Variants in SNTG1 observed in about 807,000 individuals in gnomAD.
SNTG1 encodes the protein gamma-1-syntrophin.
Under a neutral mutation model 74.7 loss-of-function variants are expected in SNTG1, and 39 were observed. The ratio of observed to expected loss-of-function variants is 0.52; its 90% CI spans 0.40 to 0.68. SNTG1 has a LOEUF of 0.68. SNTG1 is among the 30% of genes least tolerant of loss of function. The pLI, the probability that SNTG1 is intolerant of heterozygous loss-of-function variation, is 0.00. For synonymous variants in SNTG1, 254 were observed against 217.1 expected (o/e 1.17, Z -1.49); for missense variants, 685 against 609.5 (o/e 1.12, Z -1.30).
At chr8:50,792,223 C>T (rs964822332) in intron 18 of SNTG1, among the ~76,000 whole-genome samples, 1 of 151,656 alleles carries the variant, frequency 6.6e-6, no homozygotes, top group Non-Finnish European at 1.5e-5. Flanking sequence ...TCTAGCATTT[C>T]TTATTCAGTT....
At chr8:49,971,254 C>CA (rs1309157551) in intron 1 of SNTG1, among the ~76,000 whole-genome samples, 3 of 152,018 alleles carry the variant, frequency 2.0e-5, no homozygotes, top group Admixed American at 6.6e-5. Flanking sequence ...TAAACAGAAC[C>CA]AAGACAAAAA....
At chr8:50,264,582 A>G (rs2130160567) in intron 2 of SNTG1, among the ~76,000 whole-genome samples, 1 of 151,906 alleles carries the variant, frequency 6.6e-6, no homozygotes, top group South Asian at 2.1e-4. Flanking sequence ...AATAAAAAAA[A>G]AAAGAAGAAA....
chr8:50,339,369 AAAT>A (rs1177523232), intron 2 of SNTG1, among the ~76,000 whole-genome samples: 1 of 152,026 alleles, frequency 6.6e-6, no homozygotes, highest in Non-Finnish European at 1.5e-5. Context: ...GAGAATTAAA[AAAT>A]AAATAAAAAC....
chr8:49,960,646 C>T (rs887972464), intron 1 of SNTG1, among the ~76,000 whole-genome samples: 2 of 151,936 alleles, frequency 1.3e-5, no homozygotes, highest in African/African-American at 4.8e-5. Context: ...TATGCAGAGA[C>T]ATATAATGGG....
At chr8:50,080,807 A>C (rs1014254167) in intron 1 of SNTG1, among the ~76,000 whole-genome samples, 12 of 152,156 alleles carry the variant, frequency 7.9e-5, no homozygotes, top group Non-Finnish European at 1.6e-4. Context: ...ACCTGCAATC[A>C]GTTAGCAGCC....
intron 2 of SNTG1, among the ~76,000 whole-genome samples, chr8:50,283,343 C>T (rs1471037513): frequency 6.6e-6 from 1 of 152,060 alleles, no homozygotes; most frequent in East Asian, 1.9e-4. Context: ...CAAGAATTTC[C>T]TTAAAGACAA....
At chr8:50,320,924 G>A (rs1478511535) in intron 2 of SNTG1, among the ~76,000 whole-genome samples, 1 of 152,012 alleles carries the variant, frequency 6.6e-6, no homozygotes, top group Non-Finnish European at 1.5e-5. Flanking sequence ...CCTGTTTTGT[G>A]GCTTAATATG....
At chr8:50,298,053 A>G (rs2089473727) in intron 2 of SNTG1, among the ~76,000 whole-genome samples, 1 of 151,916 alleles carries the variant, frequency 6.6e-6, no homozygotes, top group South Asian at 2.1e-4. Flanking sequence ...AATCCATATT[A>G]AGGGCCGAAT....
At chr8:50,626,377 C>G (rs1054683549) in intron 13 of SNTG1, among the ~76,000 whole-genome samples, 2 of 152,254 alleles carry the variant, frequency 1.3e-5, no homozygotes, top group Non-Finnish European at 2.9e-5. Flanking sequence ...CCAAGACCAG[C>G]TCGGTTGAGG....
chr8:50,076,026 T>C (rs1342537502), intron 1 of SNTG1, among the ~76,000 whole-genome samples: 1 of 152,112 alleles, frequency 6.6e-6, no homozygotes, highest in Non-Finnish European at 1.5e-5. Context: ...ACATAACAGA[T>C]CATACAAGGT....
chr8:49,925,736 C>T (rs780192775), intron 1 of SNTG1, among the ~76,000 whole-genome samples: 12 of 152,078 alleles, frequency 7.9e-5, no homozygotes. Flanking sequence ...AGTAAACTAT[C>T]CAAGTTGTTG....
At chr8:49,933,958 T>C (rs1417545119) in intron 1 of SNTG1, among the ~76,000 whole-genome samples, 1 of 152,198 alleles carries the variant, frequency 6.6e-6, no homozygotes, top group Non-Finnish European at 1.5e-5. Flanking sequence ...TGTGAAAAGA[T>C]AAGTAAACCT....
intron 2 of SNTG1, among the ~76,000 whole-genome samples, chr8:50,210,190 A>G (rs2084449053): frequency 6.6e-6 from 1 of 152,166 alleles, no homozygotes; most frequent in South Asian, 2.1e-4. Context: ...AAAGAGTAAA[A>G]AGAAACAAAC....
At chr8:50,300,657 A>T (rs1056600393) in intron 2 of SNTG1, among the ~76,000 whole-genome samples, 4 of 152,042 alleles carry the variant, frequency 2.6e-5, no homozygotes, top group Non-Finnish European at 4.4e-5. Flanking sequence ...TTCTGATATA[A>T]TTTTTATCAG....
chr8:50,737,758 TG>T (rs1478476339), intron 17 of SNTG1, among the ~76,000 whole-genome samples: 1 of 152,044 alleles, frequency 6.6e-6, no homozygotes, highest in Non-Finnish European at 1.5e-5. Context: ...TTTCAACGTA[TG>T]CAAATCAATA....
chr8:50,622,688 G>A (rs556715792), intron 13 of SNTG1, among the ~76,000 whole-genome samples: 19 of 151,994 alleles, frequency 1.3e-4, no homozygotes, highest in South Asian at 6.2e-4. Context: ...TTAAATTACC[G>A]ATAATCATAC....
chr8:50,395,648 T>A (rs2092719138), intron 3 of SNTG1, among the ~76,000 whole-genome samples: 1 of 151,818 alleles, frequency 6.6e-6, no homozygotes, highest in African/African-American at 2.4e-5. Context: ...GGACTACAGG[T>A]GCCTGCCACC....
chr8:50,739,830 C>A (rs2095538646), intron 17 of SNTG1, among the ~76,000 whole-genome samples: 1 of 152,004 alleles, frequency 6.6e-6, no homozygotes, highest in Non-Finnish European at 1.5e-5. Flanking sequence ...CATACACCTA[C>A]AACTATTTCA....
In SNTG1 at chr8:50,502,861, A is replaced by G; in HGVS notation, c.447A>G (p.Pro149=). 6.2e-7 allele frequency: 1 copy of G among 1,612,986 alleles called. No individual in the cohort carries two copies. The highest frequency in any genetic ancestry group is 8.5e-7 in the Non-Finnish European group (1 of 1,179,278). The change falls in exon 9 of 19, where the codon CCA becomes CCG. Residue 149 remains proline, a synonymous_variant. Transcript: ENST00000642720. ...LKRAPAFLKL[P]LNEDCACAPS... ...GAGCACCTGCTTTCCTCAAACTCCC[A>G]TTGAATGAAGATTGTGCATGTAAGC...
Sources: allele counts gnomAD v4.1 joint callset (sites outside exome capture counted in the v4.1 genomes callset), GRCh38; gene constraint gnomAD v4.1.1; transcripts MANE v1.5; gene names NCBI Gene and HGNC (gene_info 2026-07-23, HGNC 2026-07-21).